NCAM2: variants seen among roughly 807,000 people sequenced by gnomAD.
The protein encoded by NCAM2 is N-CAM-2.
In NCAM2, 30 loss-of-function variants were observed where a neutral mutation model predicts 98.1. That is an observed-to-expected ratio of 0.31 (90% confidence interval 0.23 to 0.41). The LOEUF (loss-of-function observed/expected upper bound fraction) is 0.41. Among genes scored for constraint, NCAM2 ranks in the 10% least tolerant of loss-of-function variants. NCAM2 has a pLI of 1.00. For missense variants in NCAM2, 867 were observed against 1,005.8 expected (o/e 0.86, Z 1.87); for synonymous variants, 368 against 342.4 (o/e 1.07, Z -0.83).
At position 21,466,781 on chromosome 21, in the gene NCAM2, T is replaced by G. The variant is rs529611831; in HGVS notation, c.1774+56T>G. ...TTTGTCATTTTCTTCACTTGCAAAT[T>G]TAATAGATTTTAAAATGTAGGGAGA... On this transcript the variant is annotated intron_variant, in intron 13 of 17. Coordinates refer to ENST00000400546, the MANE Select transcript of NCAM2 (RefSeq NM_004540.5). 6.7e-6 allele frequency: 10 copies of G among 1,502,958 alleles called. No individual in the cohort carries two copies. The South Asian group carries it at 8.6e-5, about 13-fold the overall frequency. The allele number at this position is 1,502,958 out of a possible 1,614,324, so 93.1% of individuals were successfully genotyped here. A position where few individuals can be genotyped will look rare whatever the true frequency, so the allele number is the denominator to read the frequency against.
chr21:21,090,081 C>T (rs1333379477), intron 1 of NCAM2, among the ~76,000 whole-genome samples: 3 of 152,106 alleles, frequency 2.0e-5, no homozygotes, highest in South Asian at 4.1e-4. Context: ...CCTGTAGCAT[C>T]GGCAGCAACT....
chr21:21,407,709 TTAAAGA>T (rs2076770604), intron 9 of NCAM2, among the ~76,000 whole-genome samples: 1 of 152,170 alleles, frequency 6.6e-6, no homozygotes, highest in Non-Finnish European at 1.5e-5. Context: ...GTAAATAAAT[TTAAAGA>T]TATAGATATA....
At chr21:21,401,427 T>C (rs1030269235) in intron 9 of NCAM2, among the ~76,000 whole-genome samples, 2 of 152,188 alleles carry the variant, frequency 1.3e-5, no homozygotes, top group Non-Finnish European at 2.9e-5. Context: ...GTTGTCTAAC[T>C]GAATCTTTGA....
At chr21:21,032,122 G>C (rs951153414) in intron 1 of NCAM2, among the ~76,000 whole-genome samples, 1 of 152,068 alleles carries the variant, frequency 6.6e-6, no homozygotes, top group Non-Finnish European at 1.5e-5. Flanking sequence ...AAATCTAGCT[G>C]TTCTTGAGCC....
intron 13 of NCAM2, among the ~76,000 whole-genome samples, chr21:21,467,980 T>C (rs1359219973): frequency 3.9e-5 from 6 of 152,084 alleles, no homozygotes; most frequent in Admixed American, 2.0e-4. Context: ...TCTGTTTTTC[T>C]TGGCCCTTCA....
intron 1 of NCAM2, among the ~76,000 whole-genome samples, chr21:21,020,623 AG>A (rs1427838404): frequency 1.3e-5 from 2 of 152,138 alleles, no homozygotes; most frequent in Non-Finnish European, 2.9e-5. Flanking sequence ...TCGTGCCCAG[AG>A]GCTCAGCATG....
At chr21:21,309,112 T>A (rs2073966935) in intron 5 of NCAM2, among the ~76,000 whole-genome samples, 1 of 152,214 alleles carries the variant, frequency 6.6e-6, no homozygotes, top group African/African-American at 2.4e-5. Context: ...GCCATCATAA[T>A]AACTGATTTA....
At chr21:21,318,183 G>A (rs1485437192) in intron 5 of NCAM2, among the ~76,000 whole-genome samples, 1 of 152,136 alleles carries the variant, frequency 6.6e-6, no homozygotes, top group Non-Finnish European at 1.5e-5. Flanking sequence ...GTAGAATATT[G>A]TTAACTGTAG....
At chr21:21,334,854 GA>G (rs147963541) in intron 6 of NCAM2, among the ~76,000 whole-genome samples, 1 of 151,286 alleles carries the variant, frequency 6.6e-6, no homozygotes, top group African/African-American at 2.4e-5. Flanking sequence ...TTTCAGTAGA[GA>G]AAAAAAACCT....
intron 13 of NCAM2, among the ~76,000 whole-genome samples, chr21:21,467,811 G>A (rs1025720213): frequency 1.3e-5 from 2 of 151,866 alleles, no homozygotes; most frequent in African/African-American, 4.8e-5. Context: ...AATGAGCCAT[G>A]ATCACACTAT....
Position 21,292,126 on chromosome 21 carries a change from C to T in NCAM2, c.504C>T (p.Asn168=), listed in dbSNP as rs145537614. The T allele has an allele frequency of 5.4e-4, 877 of 1,610,464 alleles. 8 individuals carry two copies. The African/African-American group carries it at 0.01, about 19-fold the overall frequency. ...ISDNRFAMLA[N]NNLQILNINK... is the part of the protein sequence containing the mutation. ...CAGATCGGTTCGCTATGTTAGCAAA[C>T]AATAACCTGCAGATTCTCAACATCA... Residue 168 remains asparagine (N), a synonymous_variant, in exon 5 of 18, where the codon AAC becomes AAT. Transcript: ENST00000400546.
At chr21:21,357,595 T>C (rs1284318761) in intron 8 of NCAM2, among the ~76,000 whole-genome samples, 1 of 152,128 alleles carries the variant, frequency 6.6e-6, no homozygotes, top group African/African-American at 2.4e-5. Context: ...TAGCATTGTC[T>C]TTAAGATTGA....
intron 8 of NCAM2, among the ~76,000 whole-genome samples, chr21:21,352,005 C>T (rs2075354843): frequency 1.3e-5 from 2 of 152,174 alleles, no homozygotes; most frequent in East Asian, 3.9e-4. Flanking sequence ...CCACCTCAGC[C>T]TCCTCAAATG....
chr21:21,166,171 G>A (rs1463245262), intron 1 of NCAM2, among the ~76,000 whole-genome samples: 1 of 152,158 alleles, frequency 6.6e-6, no homozygotes, highest in Non-Finnish European at 1.5e-5. Flanking sequence ...ATAACCTGGA[G>A]CGCCTTTAAG....
intron 1 of NCAM2, among the ~76,000 whole-genome samples, chr21:21,242,335 G>A (rs919241707): frequency 1.3e-5 from 2 of 152,048 alleles, no homozygotes; most frequent in African/African-American, 4.8e-5. Context: ...TTATTTTTTT[G>A]TAGTGAAAAC....
chr21:21,347,376 A>C (rs992883807), intron 8 of NCAM2, among the ~76,000 whole-genome samples: 2 of 152,090 alleles, frequency 1.3e-5, no homozygotes, highest in Non-Finnish European at 2.9e-5. Flanking sequence ...CTAAGCAAAA[A>C]GAACAAAACT....
intron 1 of NCAM2, among the ~76,000 whole-genome samples, chr21:21,184,770 G>C (rs2068585313): frequency 6.6e-6 from 1 of 152,096 alleles, no homozygotes; most frequent in African/African-American, 2.4e-5. Context: ...CTTGTTCTCA[G>C]TGAACCTCTA....
chr21:21,107,958 A>G (rs1227501905), intron 1 of NCAM2, among the ~76,000 whole-genome samples: 1 of 152,250 alleles, frequency 6.6e-6, no homozygotes, highest in East Asian at 1.9e-4. Context: ...TCTACAATTT[A>G]TTAATATGTA....
At chr21:21,123,258 G>A (rs962261486) in intron 1 of NCAM2, among the ~76,000 whole-genome samples, 8 of 151,958 alleles carry the variant, frequency 5.3e-5, no homozygotes, top group African/African-American at 1.9e-4. Context: ...AGCCGGGCGT[G>A]GTGGCACGCA....
Sources: allele counts gnomAD v4.1 joint callset (sites outside exome capture counted in the v4.1 genomes callset), GRCh38; gene constraint gnomAD v4.1.1; transcripts MANE v1.5; gene names NCBI Gene and HGNC (gene_info 2026-07-23, HGNC 2026-07-21).